The following KIAA1217 variants were observed in gnomAD, a reference collection of about 807,000 sequenced individuals.
KIAA1217 encodes the protein sickle tail protein homolog.
Under a neutral mutation model 163.9 loss-of-function variants are expected in KIAA1217, and 88 were observed. The ratio of observed to expected loss-of-function variants is 0.54; its 90% CI spans 0.45 to 0.64. The LOEUF (loss-of-function observed/expected upper bound fraction) is 0.64. Ranked by LOEUF, KIAA1217 falls within the 30% of genes least tolerant of loss-of-function variation. The probability of loss-of-function intolerance (pLI) is 0.00; values close to 1 mark genes in which losing one functional copy is unlikely to be tolerated. For synonymous variants in KIAA1217, 903 were observed against 923.1 expected (o/e 0.98, Z 0.39); for missense variants, 2,372 against 2,475.0 (o/e 0.96, Z 0.88).
chr10:24,285,764 T>C (rs117226135), intron 2 of KIAA1217, among the ~76,000 whole-genome samples: 1,536 of 152,308 alleles, frequency 0.01, 29 homozygotes, highest in East Asian at 0.084. Context: ...ATAGGAATAG[T>C]GTTGAATCTT....
intron 15 of KIAA1217, among the ~76,000 whole-genome samples, chr10:24,532,724 A>G (rs2073309643): frequency 6.6e-6 from 1 of 152,134 alleles, no homozygotes; most frequent in South Asian, 2.1e-4. Flanking sequence ...ACCTGCCCCC[A>G]TGAGTCAATT....
rs367664801 is a variant in KIAA1217, at chr10:24,075,569, A to C, written c.-171+68195A>C. 6.9e-4 allele frequency among the ~76,000 whole-genome samples: 104 copies of C among 150,794 alleles called. 1 individual carries two copies. The highest frequency in any genetic ancestry group is 2.5e-3 in the African/African-American group (101 of 41,046). On this transcript the variant is annotated intron_variant, in intron 2 of 18. Transcript: ENST00000376462. ...TCCATGGCTTCCCAAGTAACCTGAA[A>C]ATGCTAGTTCTGTCTCCAAATCTAA... is the stretch of plus-strand genomic sequence containing the variant.
Position 23,790,032 on chromosome 10 carries a change from CACATAT to C in KIAA1217, c.-321+94805_-321+94810del, listed in dbSNP as rs1386380660. Reference sequence around the variant, plus strand: ...ATACACATATACACATATGCATATACACATATACATATGCATATACACATATACACA... The same window carrying C: ...ATACACATATACACATATGCATATACACATATGCATATACACATATACACA... On this transcript the variant is annotated intron_variant, in intron 1 of 18. Coordinates refer to the KIAA1217 transcript ENST00000376462. 4.9e-5 allele frequency among the ~76,000 whole-genome samples: 6 copies of C among 121,292 alleles called. 1 individual carries two copies. The highest frequency in any genetic ancestry group is 1.1e-4 in the African/African-American group (3 of 26,762). 79.6% of individuals were successfully genotyped at this position (121,292 alleles called of 152,430 possible). A position where few individuals can be genotyped will look rare whatever the true frequency, so the allele number is the denominator to read the frequency against.
At chr10:23,851,532 A>G (rs1356266187) in intron 1 of KIAA1217, among the ~76,000 whole-genome samples, 1 of 152,194 alleles carries the variant, frequency 6.6e-6, no homozygotes, top group Non-Finnish European at 1.5e-5. Context: ...ATACCCAGTA[A>G]AGAGATGGCT....
intron 2 of KIAA1217, among the ~76,000 whole-genome samples, chr10:24,087,091 C>G (rs1388284195): frequency 6.6e-6 from 1 of 152,110 alleles, no homozygotes; most frequent in East Asian, 1.9e-4. Flanking sequence ...ATGAAAGCTG[C>G]TTTGTAGGAA....
chr10:23,884,222 C>T (rs1841076948), intron 1 of KIAA1217, among the ~76,000 whole-genome samples: 1 of 151,910 alleles, frequency 6.6e-6, no homozygotes, highest in African/African-American at 2.4e-5. Context: ...TTTGCATTCT[C>T]CCCAACAATG....
chr10:24,186,996 A>G (rs1044838873), intron 2 of KIAA1217, among the ~76,000 whole-genome samples: 8 of 152,140 alleles, frequency 5.3e-5, no homozygotes, highest in African/African-American at 1.9e-4. Flanking sequence ...GACTCAGGCT[A>G]TGTTTTTCGG....
intron 2 of KIAA1217, among the ~76,000 whole-genome samples, chr10:24,281,956 C>T (rs906137999): frequency 2.0e-5 from 3 of 152,042 alleles, no homozygotes; most frequent in African/African-American, 7.3e-5. Flanking sequence ...ACTCAGGAGG[C>T]TGAGGCAGGA....
intron 1 of KIAA1217, among the ~76,000 whole-genome samples, chr10:23,753,785 T>A (rs958405649): frequency 6.6e-6 from 1 of 152,240 alleles, no homozygotes; most frequent in Admixed American, 6.5e-5. Context: ...TTAAGAACTT[T>A]TGAAGAACCA....
At chr10:24,272,922 C>G (rs2076910414) in intron 2 of KIAA1217, among the ~76,000 whole-genome samples, 1 of 152,232 alleles carries the variant, frequency 6.6e-6, no homozygotes, top group South Asian at 2.1e-4. Context: ...CACCCCAGTT[C>G]TTTCTCTGGT....
rs149502044 is a variant in KIAA1217, at chr10:23,871,041, C to T, written c.-320-136184C>T. 1.1e-4 allele frequency among the ~76,000 whole-genome samples: 16 copies of T among 151,038 alleles called. No homozygotes were observed. The East Asian group carries it at 3.1e-3, about 29-fold the overall frequency. On this transcript the variant is annotated intron_variant, in intron 1 of 18. Transcript: ENST00000376462. The stretch of plus-strand genomic sequence containing the variant: ...TTCTTTTTTTTTTTCCACAAAGCTG[C>T]ATACTTTCCTCCGTCCTTTCACATA...
At chr10:23,876,170 T>C (rs532289510) in intron 1 of KIAA1217, among the ~76,000 whole-genome samples, 1 of 151,262 alleles carries the variant, frequency 6.6e-6, no homozygotes, top group African/African-American at 2.4e-5. Flanking sequence ...CAAAATCAAG[T>C]TCTTTGCAGC....
At chr10:24,104,625 A>C (rs548069912) in intron 2 of KIAA1217, among the ~76,000 whole-genome samples, 1 of 152,218 alleles carries the variant, frequency 6.6e-6, no homozygotes, top group Admixed American at 6.5e-5. Context: ...AACCTACAGC[A>C]TGTACCATGC....
At chr10:24,364,656 T>C (rs11014059) in intron 2 of KIAA1217, among the ~76,000 whole-genome samples, 63,702 of 151,998 alleles carry the variant, frequency 0.42, 14,841 homozygotes, top group Middle Eastern at 0.57. Flanking sequence ...TCCGTGACCT[T>C]AGTTAGCAAA....
At chr10:23,899,909 T>C (rs1403854189) in intron 1 of KIAA1217, among the ~76,000 whole-genome samples, 1 of 152,016 alleles carries the variant, frequency 6.6e-6, no homozygotes, top group Non-Finnish European at 1.5e-5. Flanking sequence ...CTTCTTTCTT[T>C]CCCTCTTTCT....
intron 2 of KIAA1217, among the ~76,000 whole-genome samples, chr10:24,294,467 T>C (rs559378611): frequency 2.4e-4 from 37 of 152,276 alleles, no homozygotes; most frequent in African/African-American, 7.7e-4. Flanking sequence ...TGTCTGTCCA[T>C]TGAGGGGCAT....
intron 17 of KIAA1217, among the ~76,000 whole-genome samples, chr10:24,538,956 ACTC>A (rs772647133): frequency 1.3e-5 from 2 of 150,056 alleles, no homozygotes; most frequent in African/African-American, 2.5e-5. Context: ...TTGGTCTTGA[ACTC>A]CTGACCTCGT....
chr10:23,830,725 G>T (rs1272537922), intron 1 of KIAA1217, among the ~76,000 whole-genome samples: 1 of 151,944 alleles, frequency 6.6e-6, no homozygotes, highest in East Asian at 1.9e-4. Flanking sequence ...TAGGTAGATA[G>T]ATAGCTAGAT....
intron 3 of KIAA1217, among the ~76,000 whole-genome samples, chr10:24,415,587 A>G (rs2058176923): frequency 6.6e-6 from 1 of 152,014 alleles, no homozygotes; most frequent in African/African-American, 2.4e-5. Context: ...ACCAGAACAC[A>G]AGCCACCAAA....
Sources: allele counts gnomAD v4.1 joint callset (sites outside exome capture counted in the v4.1 genomes callset), GRCh38; gene constraint gnomAD v4.1.1; transcripts MANE v1.5; gene names NCBI Gene and HGNC (gene_info 2026-07-23, HGNC 2026-07-21).